The following FN1 variants were observed in gnomAD, a reference collection of about 807,000 sequenced individuals.
The protein encoded by FN1 is fibronectin 1.
FN1 carries 106 observed loss-of-function variants against 297.3 expected under a neutral mutation model. The ratio of observed to expected loss-of-function variants is 0.36; its 90% confidence interval spans 0.30 to 0.42. The LOEUF is 0.42. Among genes scored for constraint, FN1 ranks in the 10% least tolerant of loss-of-function variants. The pLI is 1.00. For missense variants in FN1, 2,690 were observed against 3,124.9 expected (o/e 0.86, Z 3.32); for synonymous variants, 1,149 against 1,152.6 (o/e 1.00, Z 0.06).
chr2:215,393,252 G>C, intron 24 of FN1, 49 bp from the exon 25 acceptor site: 1 of 1,580,136 alleles, frequency 6.3e-7, no homozygotes, highest in South Asian at 1.1e-5. Context: ...GAAAATAGAG[G>C]GAAAAAAAGA....
chr2:215,370,540 C>CCAAAAAAAAAAAAAAAA lies in FN1; in HGVS notation c.6715-109_6715-108insTTTTTTTTTTTTTTTTG, dbSNP rs1553600561. 26 of 304,990 alleles carry CCAAAAAAAAAAAAAAAA rather than the reference C, an allele frequency of 8.5e-5. No individual in the cohort carries two copies. The African/African-American group carries it at 9.2e-4, about 11-fold the overall frequency. 18.9% of individuals were successfully genotyped at this position (304,990 alleles called of 1,614,324 possible). On this transcript the variant is annotated intron_variant, in intron 40 of 45. Coordinates refer to ENST00000354785, the MANE Select transcript of FN1 (RefSeq NM_212482.4). Reference sequence around the variant, plus strand: ...ACTGTTTAAACAAAGCAAAGGAAGACAAAAAACAAAAAACAAAAAAAAAAA... The same window carrying CCAAAAAAAAAAAAAAAA: ...ACTGTTTAAACAAAGCAAAGGAAGACCAAAAAAAAAAAAAAAAAAAAAACAAAAAACAAAAAAAAAAA...
intron 39 of FN1, 38 bp from the exon 40 acceptor site, chr2:215,372,413 A>T (rs765124834): frequency 7.5e-6 from 11 of 1,467,590 alleles, no homozygotes; most frequent in Non-Finnish European, 1.1e-5. Context: ...AGCAAAGCGC[A>T]TTAAGCTCCA....
At chr2:215,366,321 C>A (rs949814877) in intron 42 of FN1, among the ~76,000 whole-genome samples, 3 of 151,950 alleles carry the variant, frequency 2.0e-5, no homozygotes, top group Admixed American at 2.0e-4. Context: ...AGGAATAGAT[C>A]CTAGATGAAA....
In FN1 at chr2:215,386,909, A is replaced by G. The variant is rs748540274; in HGVS notation, c.4392T>C (p.Ser1464=). The change falls in exon 28 of 46, where the codon TCT becomes TCC. Residue 1464 remains serine (S), a synonymous_variant. Transcript: ENST00000354785. ...GIDFSDITAN[S]FTVHWIAPRA... ...GAGGAGCAATCCAGTGCACAGTAAAAGAGTTGGCAGTAATATCAGAAAAGT... is the reference window on the plus strand; with the variant it reads ...GAGGAGCAATCCAGTGCACAGTAAAGGAGTTGGCAGTAATATCAGAAAAGT... 1 of 1,613,406 alleles carries G rather than the reference A, an allele frequency of 6.2e-7. No homozygotes were observed. The highest frequency in any genetic ancestry group is 8.5e-7 in the Non-Finnish European group (1 of 1,179,768).
rs1310010909 is a variant in FN1 at position 215,384,899 on chromosome 2, C to T, written c.4690G>A (p.Val1564Ile). Reference sequence around the variant, plus strand: ...GTGATCCTGTAATATCTCACTGTGACAGCAGGAGCATCCCAGCTGATCAGT... The same window carrying T: ...GTGATCCTGTAATATCTCACTGTGATAGCAGGAGCATCCCAGCTGATCAGT... The part of the protein sequence containing the change: ...SLLISWDAPA[V>I]TVRYYRITYG... The change falls in exon 29 of 46, where the codon GTC becomes ATC. Residue 1564 changes from valine to isoleucine, a missense_variant. Physicochemically the swap from Val to Ile is conservative, Grantham distance 29 (BLOSUM62 3). This residue lies in a region of FN1 where 1,743 missense variants were observed against 1,945.2 expected (regional missense o/e 0.90). Coordinates refer to ENST00000354785, the MANE Select transcript of FN1 (RefSeq NM_212482.4). The T allele has an allele frequency of 1.2e-6, 2 of 1,613,880 alleles. No homozygotes were observed. Among genetic ancestry groups the T allele is most frequent in the African/African-American group, 2.7e-5 (2 of 75,020 alleles).
At chr2:215,370,870 G>A (rs868559486) in intron 40 of FN1, among the ~76,000 whole-genome samples, 2 of 152,148 alleles carry the variant, frequency 1.3e-5, no homozygotes, top group East Asian at 3.9e-4. Flanking sequence ...AAAACAGTTG[G>A]GCAAATCCTC....
At chr2:215,397,930 T>A in intron 21 of FN1, 82 bp from the exon 22 acceptor site, 1 of 1,200,924 alleles carries the variant, frequency 8.3e-7, no homozygotes. Context: ...GATTATGCTT[T>A]AAATAGTGTA....
At chr2:215,428,433 C>A in intron 5 of FN1, 95 bp from the exon 6 acceptor site, 1 of 1,085,718 alleles carries the variant, frequency 9.2e-7, no homozygotes, top group Non-Finnish European at 1.4e-6. Flanking sequence ...GCCTGGTAAT[C>A]TATTTTTGGT....
chr2:215,383,005 T>C (rs2058420817), intron 31 of FN1, among the ~76,000 whole-genome samples: 2 of 151,802 alleles, frequency 1.3e-5, no homozygotes, highest in African/African-American at 4.8e-5. Context: ...ATTACTCTTT[T>C]TTTTTTTTTT....
In FN1 at chr2:215,386,973, CG is replaced by C; in HGVS notation, c.4343-16del. 1 of 1,603,900 alleles carries C rather than the reference CG, an allele frequency of 6.2e-7. No individual in the cohort carries two copies. The highest frequency in any genetic ancestry group is 8.5e-7 in the Non-Finnish European group (1 of 1,175,490). ...GGAATCAAGACCTGTTTTTCCCACC[CG>C]GGGGAGGAAGAGAAAAAAAAAAGAA... On this transcript the variant is annotated splice_polypyrimidine_tract_variant and intron_variant, in intron 27 of 45. Coordinates refer to ENST00000354785, the MANE Select transcript of FN1 (RefSeq NM_212482.4).
intron 12 of FN1, among the ~76,000 whole-genome samples, chr2:215,418,385 A>C (rs1479015073): frequency 6.6e-6 from 1 of 152,208 alleles, no homozygotes; most frequent in Non-Finnish European, 1.5e-5. Flanking sequence ...TGTCACAGTG[A>C]ATCTTTTATC....
At chr2:215,431,210 T>C (rs1191367797) in intron 4 of FN1, among the ~76,000 whole-genome samples, 2 of 152,228 alleles carry the variant, frequency 1.3e-5, no homozygotes, top group East Asian at 1.9e-4. Flanking sequence ...AAATGACCAA[T>C]TATGAATTTT....
intron 6 of FN1, among the ~76,000 whole-genome samples, chr2:215,426,356 G>A (rs1227595083): frequency 6.6e-6 from 1 of 151,900 alleles, no homozygotes; most frequent in Non-Finnish European, 1.5e-5. Flanking sequence ...CACCGTGTTA[G>A]CCAGGATGGT....
At position 215,406,288 on chromosome 2, in the gene FN1, G is replaced by A. The variant is rs1345076866; in HGVS notation, c.2936C>T (p.Ala979Val). 5 of 1,613,938 alleles carry A rather than the reference G, an allele frequency of 3.1e-6. No homozygotes were observed. The highest frequency in any genetic ancestry group is 1.3e-5 in the African/African-American group (1 of 74,928). ...PGVTYYFKVF[A>V]VSHGRESKPL... is the part of the protein sequence containing the mutation. ...CTTGCTCTCCCTCCCATGGCTCACT[G>A]CAAAGACTTTGAAGTAATAGGTGAC... The change falls in exon 19 of 46, where the codon GCA becomes GTA. Residue 979 changes from alanine to valine, a missense_variant. Around this residue, in one of 3 missense-constraint regions of FN1, gnomAD observed 1,743 missense variants for 1,945.2 expected, o/e 0.90. Transcript: ENST00000354785.
At chr2:215,388,375 T>C in intron 26 of FN1, 74 bp from the exon 27 acceptor site, 3 of 1,030,004 alleles carry the variant, frequency 2.9e-6, no homozygotes, top group South Asian at 1.3e-5. Flanking sequence ...CCAGGACTAT[T>C]TGAACTGATG....
chr2:215,424,993 G>A (rs2065083329), intron 7 of FN1, 101 bp downstream of exon 7: 1 of 1,066,032 alleles, frequency 9.4e-7, no homozygotes, highest in Non-Finnish European at 1.5e-6. Context: ...TAAGATTACA[G>A]GCTTCTTGTT....
chr2:215,393,308 G>C, intron 24 of FN1, 105 bp from the exon 25 acceptor site: 3 of 1,111,026 alleles, frequency 2.7e-6, no homozygotes, highest in Non-Finnish European at 3.9e-6. Context: ...AGTAAAATTG[G>C]TGGAATGTTA....
chr2:215,422,435 T>C (rs1390750021), intron 9 of FN1, among the ~76,000 whole-genome samples, 192 bp from the exon 10 acceptor site: 3 of 152,168 alleles, frequency 2.0e-5, no homozygotes, highest in African/African-American at 4.8e-5. Flanking sequence ...GCAGAAAACG[T>C]AGTCCAAACG....
chr2:215,402,811 A>G (rs1401856256), intron 20 of FN1, among the ~76,000 whole-genome samples: 1 of 152,204 alleles, frequency 6.6e-6, no homozygotes, highest in Non-Finnish European at 1.5e-5. Context: ...TATATTTTAT[A>G]TGAATGTATT....
Sources: allele counts gnomAD v4.1 joint callset (sites outside exome capture counted in the v4.1 genomes callset), GRCh38; gene constraint gnomAD v4.1.1; regional missense constraint gnomAD v4.1.1; transcripts MANE v1.5; gene names NCBI Gene and HGNC (gene_info 2026-07-23, HGNC 2026-07-21).